The following ATF6 variants were observed in gnomAD, a reference collection of about 807,000 sequenced individuals.
ATF6 encodes activating transcription factor 6.
ATF6 carries 53 observed loss-of-function variants against 83.6 expected under a neutral mutation model. That is an observed-to-expected ratio of 0.63 (90% CI 0.51 to 0.80). ATF6 has a LOEUF of 0.80. Ranked by LOEUF, ATF6 falls within the 30% of genes least tolerant of loss-of-function variation. ATF6 has a pLI of 0.00. For missense variants in ATF6, 744 were observed against 797.9 expected (o/e 0.93, Z 0.81); for synonymous variants, 288 against 285.8 (o/e 1.01, Z -0.08).
At chr1:161,861,101 T>C (rs1158932109) in intron 13 of ATF6, among the ~76,000 whole-genome samples, 1 of 152,156 alleles carries the variant, frequency 6.6e-6, no homozygotes, top group African/African-American at 2.4e-5. Context: ...TTAGAGCACT[T>C]AGCATGGTAC....
intron 15 of ATF6, among the ~76,000 whole-genome samples, chr1:161,950,500 A>G (rs942503951): frequency 2.0e-5 from 3 of 152,192 alleles, no homozygotes; most frequent in African/African-American, 7.2e-5. Context: ...GCTTCTGAAC[A>G]TTGGTTTAGT....
At chr1:161,883,692 A>C (rs936861993) in intron 14 of ATF6, among the ~76,000 whole-genome samples, 8 of 152,054 alleles carry the variant, frequency 5.3e-5, no homozygotes, top group African/African-American at 1.7e-4. Context: ...GCATTAAAAC[A>C]CACACATATA....
chr1:161,803,751 A>T (rs780695835), intron 7 of ATF6, among the ~76,000 whole-genome samples: 1 of 152,198 alleles, frequency 6.6e-6, no homozygotes, highest in Non-Finnish European at 1.5e-5. Flanking sequence ...AAGTTGTGTG[A>T]CCAATAAGAA....
intron 9 of ATF6, among the ~76,000 whole-genome samples, chr1:161,831,850 C>G (rs1042774956): frequency 6.6e-6 from 1 of 151,106 alleles, no homozygotes; most frequent in Non-Finnish European, 1.5e-5. Context: ...ATGTAAATGG[C>G]GAGTTAATGG....
intron 9 of ATF6, among the ~76,000 whole-genome samples, chr1:161,836,767 T>C (rs1424406011): frequency 1.3e-5 from 2 of 152,220 alleles, no homozygotes; most frequent in East Asian, 3.8e-4. Context: ...TCCTAGTGGC[T>C]TTACCTTGTA....
intron 6 of ATF6, among the ~76,000 whole-genome samples, chr1:161,796,303 A>G (rs1303790657): frequency 1.3e-5 from 2 of 152,224 alleles, no homozygotes; most frequent in African/African-American, 2.4e-5. Context: ...TGTTCTTTAA[A>G]ATAGTCCCAA....
intron 14 of ATF6, among the ~76,000 whole-genome samples, chr1:161,879,124 G>A (rs930562212): frequency 5.3e-5 from 8 of 152,212 alleles, no homozygotes; most frequent in African/African-American, 1.7e-4. Flanking sequence ...GGCAAGATGA[G>A]TTCATAGATA....
chr1:161,813,240 A>T (rs1282755685), intron 7 of ATF6, among the ~76,000 whole-genome samples: 1 of 152,204 alleles, frequency 6.6e-6, no homozygotes, highest in Non-Finnish European at 1.5e-5. Context: ...GATAGTTTTA[A>T]GTCATGAGGG....
intron 15 of ATF6, 46 bp from the exon 16 acceptor site, chr1:161,958,400 C>A: frequency 6.6e-7 from 1 of 1,525,680 alleles, no homozygotes; most frequent in Non-Finnish European, 8.9e-7. Flanking sequence ...GGCAGAGATG[C>A]ACATTCTGTT....
intron 10 of ATF6, among the ~76,000 whole-genome samples, chr1:161,848,012 T>G (rs1378269069): frequency 1.3e-5 from 2 of 152,046 alleles, no homozygotes; most frequent in Admixed American, 6.6e-5. Context: ...TGGCTGAAAT[T>G]TATCAGCTTT....
At chr1:161,783,938 A>T in intron 3 of ATF6, 52 bp from the exon 4 acceptor site, 1 of 1,267,650 alleles carries the variant, frequency 7.9e-7, no homozygotes, top group Non-Finnish European at 1.1e-6. Flanking sequence ...TGTTCATTTT[A>T]TTATAAGTTT....
chr1:161,916,342 G>A (rs183699485), intron 15 of ATF6, among the ~76,000 whole-genome samples: 1 of 152,198 alleles, frequency 6.6e-6, no homozygotes, highest in Non-Finnish European at 1.5e-5. Context: ...CCCTTAAATA[G>A]ATACCACCAA....
chr1:161,962,204 G>A lies in ATF6; in HGVS notation c.*3550G>A, dbSNP rs1037286739. The stretch of plus-strand genomic sequence containing the variant: ...TTTCTTGCCAGTAAGAAGTTGACAC[G>A]GAGGTATTTGAAAGCAATGTTATGT... On this transcript the variant is annotated 3_prime_UTR_variant, in exon 16 of 16. Coordinates refer to ENST00000367942, the MANE Select transcript of ATF6 (RefSeq NM_007348.4). The A allele has an allele frequency of 8.5e-5, 13 of 152,092 alleles. No homozygotes were observed. Among genetic ancestry groups the A allele is most frequent in the African/African-American group, 2.9e-4 (12 of 41,394 alleles). The allele number at this position is 152,092 out of a possible 1,614,324, so 9.4% of individuals were successfully genotyped here.
chr1:161,905,566 A>G (rs1687863434), intron 14 of ATF6, among the ~76,000 whole-genome samples: 1 of 152,246 alleles, frequency 6.6e-6, no homozygotes, highest in African/African-American at 2.4e-5. Context: ...AAAATGAAAC[A>G]TCTTGTAAAC....
intron 9 of ATF6, among the ~76,000 whole-genome samples, chr1:161,835,275 C>T (rs12029924): frequency 0.14 from 21,548 of 152,042 alleles, 2,097 homozygotes; most frequent in East Asian, 0.31. Flanking sequence ...AGGCTGGTCT[C>T]GAATTTCTGG....
At chr1:161,917,650 G>A (rs1418895115) in intron 15 of ATF6, among the ~76,000 whole-genome samples, 1 of 152,134 alleles carries the variant, frequency 6.6e-6, no homozygotes, top group Non-Finnish European at 1.5e-5. Flanking sequence ...TCGATGTCCT[G>A]ACCTCGTGAT....
At chr1:161,831,478 A>G (rs573983537) in intron 9 of ATF6, among the ~76,000 whole-genome samples, 19 of 152,324 alleles carry the variant, frequency 1.2e-4, no homozygotes, top group African/African-American at 3.6e-4. Context: ...TCATGCTGCT[A>G]TAAAGACACA....
intron 14 of ATF6, among the ~76,000 whole-genome samples, chr1:161,892,814 T>A (rs1049196187): frequency 6.6e-6 from 1 of 152,034 alleles, no homozygotes; most frequent in Non-Finnish European, 1.5e-5. Context: ...ATTTTTGTAT[T>A]TTTAGTAGAG....
rs536120055 is a variant in ATF6, at chr1:161,960,951, G to A, written c.*2297G>A. ...TAATCTTCTGCTGGAACTGTCATAC[G>A]TTATCATGGTCAATGTAAACCTGGT... On this transcript the variant is annotated 3_prime_UTR_variant, in exon 16 of 16. Coordinates refer to ENST00000367942, the MANE Select transcript of ATF6 (RefSeq NM_007348.4). The A allele has an allele frequency of 3.3e-5, 5 of 152,140 alleles. No individual in the cohort carries two copies. Among genetic ancestry groups the A allele is most frequent in the Non-Finnish European group, 7.3e-5 (5 of 68,038 alleles). 9.4% of individuals were successfully genotyped at this position (152,140 alleles called of 1,614,324 possible).
Sources: gnomAD v4.1 joint callset for allele counts (sites outside exome capture counted in the v4.1 genomes callset) on GRCh38, gnomAD v4.1.1 for gene constraint, MANE v1.5 for transcripts, NCBI Gene and HGNC (gene_info 2026-07-23, HGNC 2026-07-21) for gene names.